SCGB1D1: variants seen among roughly 807,000 people sequenced by gnomAD.
The protein encoded by SCGB1D1 is secretoglobin family 1D member 1.
SCGB1D1 carries 10 observed loss-of-function variants against 8.3 expected under a neutral mutation model. The observed-to-expected ratio is 1.21, with a 90% CI of 0.74 to 2.05. The LOEUF is 2.05. Ranked by LOEUF, SCGB1D1 falls within the 30% of genes most tolerant of loss-of-function variation. The pLI is 0.00. For missense variants in SCGB1D1, 94 were observed against 105.1 expected (o/e 0.89, Z 0.46); for synonymous variants, 46 against 41.7 (o/e 1.10, Z -0.39).
rs3831484 is a variant in SCGB1D1 at position 62,192,253 on chromosome 11, GTC to G, written c.243+14_243+15del. On this transcript the variant is annotated intron_variant, in intron 2 of 2. Transcript: ENST00000306238. ...AATTACAAAAACATTGGTAATTTCT[GTC>G]TCTTTCATGTGTCCAGGCTTCTGGT... The G allele has an allele frequency of 0.24, 380,203 of 1,599,916 alleles. 47,316 individuals are homozygous for G. Among genetic ancestry groups the G allele is most frequent in the Non-Finnish European group, 0.26 (302,726 of 1,168,474 alleles).
rs780815529 is a variant in SCGB1D1 at position 62,190,296 on chromosome 11, G to A, written c.12G>A (p.Ser4=). The A allele has an allele frequency of 6.2e-6, 10 of 1,614,008 alleles. No homozygotes were observed. In the African/African-American group the frequency reaches 1.1e-4, roughly 17 times the overall value. The change falls in exon 1 of 3, where the codon TCG becomes TCA. Residue 4 remains serine (S), a synonymous_variant. Coordinates refer to ENST00000306238, the MANE Select transcript of SCGB1D1 (RefSeq NM_006552.2). MRL[S]VCLLLLTLAL... ...CAGAATAAGCCACCATGAGGCTGTC[G>A]GTGTGTCTCCTGCTGCTCACGCTGG...
chr11:62,190,863 C>T (rs1301115948), intron 1 of SCGB1D1, among the ~76,000 whole-genome samples: 1 of 152,184 alleles, frequency 6.6e-6, no homozygotes, highest in Non-Finnish European at 1.5e-5. Context: ...ATTGTAAATT[C>T]AGACTCATAA....
intron 2 of SCGB1D1, among the ~76,000 whole-genome samples, chr11:62,193,089 G>A (rs1018404577): frequency 6.6e-6 from 1 of 152,162 alleles, no homozygotes; most frequent in Non-Finnish European, 1.5e-5. Context: ...CTCAGCACTG[G>A]GTCTTTCATT....
Position 62,190,336 on chromosome 11 carries a change from C to T in SCGB1D1, c.52C>T (p.Arg18Trp), listed in dbSNP as rs553664796. The change falls in exon 1 of 3, where the codon CGG becomes TGG. Residue 18 changes from arginine (R) to tryptophan (W), a missense_variant. By Grantham distance (101) the Arg-to-Trp change is moderately radical. Transcript: ENST00000306238. ...GCTCACGCTGGCCCTTTGCTGCTAC[C>T]GGGGTGAGTACATCAGTCATGAGTC... ...LLLTLALCCY[R>W]ANAVVCQALG... 7.4e-6 allele frequency: 12 copies of T among 1,614,026 alleles called. No individual in the cohort carries two copies. The highest frequency in any genetic ancestry group is 4.4e-5 in the South Asian group (4 of 91,074).
chr11:62,190,920 AGATGGTGCTTTCT>A (rs1193232263), intron 1 of SCGB1D1, among the ~76,000 whole-genome samples: 3 of 152,298 alleles, frequency 2.0e-5, no homozygotes, highest in African/African-American at 7.2e-5. Flanking sequence ...GTCCAAGAAG[AGATGGTGCTTTCT>A]GATTCTCTCA....
rs758996886 is a variant in SCGB1D1, at chr11:62,192,155, C to A, written c.155C>A (p.Pro52His). Residue 52 changes from proline (P) to histidine (H), a missense_variant, in exon 2 of 3, where the codon CCT (proline) becomes CAT (histidine). Coordinates refer to ENST00000306238, the MANE Select transcript of SCGB1D1 (RefSeq NM_006552.2). ...FKFQLAKFKA[P>H]LEAVAAKMEV... Reference sequence around the variant, plus strand: ...TTCCAACTTGCCAAATTTAAGGCACCTCTGGAAGCTGTTGCAGCCAAGATG... The same window carrying A: ...TTCCAACTTGCCAAATTTAAGGCACATCTGGAAGCTGTTGCAGCCAAGATG... 1.9e-6 allele frequency: 3 copies of A among 1,613,956 alleles called. No individual in the cohort carries two copies. The Admixed American group carries it at 5.0e-5, about 27-fold the overall frequency.
At position 62,192,206 on chromosome 11, in the gene SCGB1D1, T is replaced by C. The variant is rs1383432681; in HGVS notation, c.206T>C (p.Met69Thr). 2 of 1,613,452 alleles carry C rather than the reference T, an allele frequency of 1.2e-6. No individual in the cohort carries two copies. The highest frequency in any genetic ancestry group is 1.7e-5 in the Admixed American group (1 of 59,994). ...GAAGTGAAGAAATGCGTGGATACGA[T>C]GGCCTATGAGAAAAGAGTGCTAATT... is the stretch of plus-strand genomic sequence containing the variant. ...KMEVKKCVDT[M>T]AYEKRVLITK... The change falls in exon 2 of 3, where the codon ATG (methionine) becomes ACG (threonine). Residue 69 changes from methionine to threonine, a missense_variant. Coordinates refer to ENST00000306238, the MANE Select transcript of SCGB1D1 (RefSeq NM_006552.2).
At chr11:62,193,377 T>C (rs368993364) in intron 2 of SCGB1D1, 22 bp from the exon 3 acceptor site, 53 of 1,611,874 alleles carry the variant, frequency 3.3e-5, no homozygotes, top group Non-Finnish European at 4.5e-5. Context: ...CTCACCTTCC[T>C]TTCTTTCCTT....
At chr11:62,193,115 C>T (rs1944692006) in intron 2 of SCGB1D1, among the ~76,000 whole-genome samples, 2 of 152,214 alleles carry the variant, frequency 1.3e-5, no homozygotes, top group Non-Finnish European at 2.9e-5. Flanking sequence ...GAACAGGAGA[C>T]TCCAAGTCCT....
intron 2 of SCGB1D1, 100 bp downstream of exon 2, chr11:62,192,343 G>A: frequency 1.9e-6 from 2 of 1,072,164 alleles, no homozygotes; most frequent in Non-Finnish European, 1.4e-6. Flanking sequence ...CAGGTGGTGG[G>A]GCACCTGCCT....
Position 62,190,242 on chromosome 11 carries a change from C to G in SCGB1D1, c.-43C>G, listed in dbSNP as rs769566933. ...GGCTCCCGGGGCTGAGTCTAAATCA[C>G]TCATCATTGGTTAAAGCCGAGCTCA... On this transcript the variant is annotated 5_prime_UTR_variant, in exon 1 of 3. Coordinates refer to ENST00000306238, the MANE Select transcript of SCGB1D1 (RefSeq NM_006552.2). 1.2e-6 allele frequency: 2 copies of G among 1,613,342 alleles called. No individual in the cohort carries two copies.
chr11:62,190,421 G>T (rs1048872444), intron 1 of SCGB1D1, 82 bp downstream of exon 1: 2 of 1,581,708 alleles, frequency 1.3e-6, no homozygotes, highest in African/African-American at 2.7e-5. Flanking sequence ...TAAGGTTAAG[G>T]TTGGGGTCTG....
At chr11:62,190,467 G>T in intron 1 of SCGB1D1, 128 bp downstream of exon 1, 1 of 1,126,694 alleles carries the variant, frequency 8.9e-7, no homozygotes, top group Non-Finnish European at 1.3e-6. Flanking sequence ...TCCTGTGCTT[G>T]TTGAAGGAAC....
At chr11:62,193,129 A>G (rs1021068294) in intron 2 of SCGB1D1, among the ~76,000 whole-genome samples, 2 of 152,130 alleles carry the variant, frequency 1.3e-5, no homozygotes, top group Non-Finnish European at 2.9e-5. Flanking sequence ...AAGTCCTGGG[A>G]CAGCCCAGAC....
At position 62,190,324 on chromosome 11, in the gene SCGB1D1, C is replaced by A. The variant is rs760945115; in HGVS notation, c.40C>A (p.Leu14Ile). Residue 14 changes from leucine to isoleucine, a missense_variant, in exon 1 of 3, where the codon CTT becomes ATT. Transcript: ENST00000306238. Reference sequence around the variant, plus strand: ...GTGTCTCCTGCTGCTCACGCTGGCCCTTTGCTGCTACCGGGGTGAGTACAT... The same window carrying A: ...GTGTCTCCTGCTGCTCACGCTGGCCATTTGCTGCTACCGGGGTGAGTACAT... Reference protein sequence around the residue: ...SVCLLLLTLALCCYRANAVVC... With the variant: ...SVCLLLLTLAICCYRANAVVC... The A allele has an allele frequency of 4.3e-6, 7 of 1,614,054 alleles. No homozygotes were observed. The highest frequency in any genetic ancestry group is 5.9e-6 in the Non-Finnish European group (7 of 1,180,032).
Position 62,190,339 on chromosome 11 carries a change from G to A in SCGB1D1, c.55G>A (p.Ala19Thr). Residue 19 changes from alanine to threonine, a missense_variant and splice_region_variant, in exon 1 of 3, where the codon GCA becomes ACA. Coordinates refer to ENST00000306238, the MANE Select transcript of SCGB1D1 (RefSeq NM_006552.2). ...CACGCTGGCCCTTTGCTGCTACCGG[G>A]GTGAGTACATCAGTCATGAGTCCAG... Reference protein sequence around the residue: ...LLTLALCCYRANAVVCQALGS... With the variant: ...LLTLALCCYRTNAVVCQALGS... 3 of 1,614,134 alleles carry A rather than the reference G, an allele frequency of 1.9e-6. No individual in the cohort carries two copies. Among genetic ancestry groups the A allele is most frequent in the Non-Finnish European group, 2.5e-6 (3 of 1,180,014 alleles).
chr11:62,190,322 C>A lies in SCGB1D1; in HGVS notation c.38C>A (p.Ala13Asp), dbSNP rs773387015. The A allele has an allele frequency of 1.2e-6, 2 of 1,614,180 alleles. No homozygotes were observed. Among genetic ancestry groups the A allele is most frequent in the Admixed American group, 1.7e-5 (1 of 60,026 alleles). Reference protein sequence around the residue: ...LSVCLLLLTLALCCYRANAVV... With the variant: ...LSVCLLLLTLDLCCYRANAVV... ...GTGTGTCTCCTGCTGCTCACGCTGG[C>A]CCTTTGCTGCTACCGGGGTGAGTAC... Residue 13 changes from alanine (A) to aspartate (D), a missense_variant, in exon 1 of 3, where the codon GCC becomes GAC. Transcript: ENST00000306238.
Sources: allele counts gnomAD v4.1 joint callset (sites outside exome capture counted in the v4.1 genomes callset), GRCh38; gene constraint gnomAD v4.1.1; transcripts MANE v1.5; gene names NCBI Gene and HGNC (gene_info 2026-07-23, HGNC 2026-07-21).